Variants in PTPRT observed in about 807,000 individuals in gnomAD.
The protein encoded by PTPRT is protein tyrosine phosphatase receptor type T, also known as receptor-type tyrosine-protein phosphatase T.
A neutral mutation model predicts 176.8 loss-of-function variants in PTPRT; 56 were observed. That is an observed-to-expected ratio of 0.32 (90% CI 0.26 to 0.40). The LOEUF is 0.40. PTPRT is among the 10% of genes least tolerant of loss of function. The pLI is 1.00. For synonymous variants in PTPRT, 783 were observed against 739.0 expected (o/e 1.06, Z -0.96); for missense variants, 1,540 against 1,908.2 (o/e 0.81, Z 3.60).
chr20:42,603,269 T>A (rs1464713267), intron 7 of PTPRT, among the ~76,000 whole-genome samples: 1 of 152,010 alleles, frequency 6.6e-6, no homozygotes, highest in Non-Finnish European at 1.5e-5. Flanking sequence ...GGGAGAGAAC[T>A]GCTTTAGACT....
chr20:42,620,011 G>A (rs1244376072), intron 7 of PTPRT, among the ~76,000 whole-genome samples: 3 of 150,056 alleles, frequency 2.0e-5, no homozygotes, highest in Non-Finnish European at 3.0e-5. Flanking sequence ...GAGGAGGAGA[G>A]GCGCTCTGCG....
chr20:42,808,417 C>T (rs2077645280), intron 2 of PTPRT, among the ~76,000 whole-genome samples: 1 of 152,124 alleles, frequency 6.6e-6, no homozygotes, highest in Admixed American at 6.5e-5. Flanking sequence ...AGAGAAGGAA[C>T]GATCATTTCA....
intron 9 of PTPRT, among the ~76,000 whole-genome samples, chr20:42,424,870 C>T (rs562729294): frequency 6.7e-6 from 1 of 150,262 alleles, no homozygotes; most frequent in South Asian, 2.2e-4. Flanking sequence ...CAGTAAGAAT[C>T]CTGTTAAAGA....
intron 5 of PTPRT, among the ~76,000 whole-genome samples, chr20:42,764,653 C>T (rs900666658): frequency 2.0e-5 from 3 of 152,196 alleles, no homozygotes; most frequent in East Asian, 1.9e-4. Flanking sequence ...TGTGTAATTC[C>T]GAGGATGTCA....
chr20:42,996,085 G>A (rs1217326444), intron 1 of PTPRT, among the ~76,000 whole-genome samples: 1 of 152,174 alleles, frequency 6.6e-6, no homozygotes, highest in Non-Finnish European at 1.5e-5. Context: ...CTCTCTGCAT[G>A]TCATGGTAGA....
intron 1 of PTPRT, among the ~76,000 whole-genome samples, chr20:43,066,009 T>C (rs561499251): frequency 7.2e-5 from 11 of 152,328 alleles, no homozygotes; most frequent in African/African-American, 2.2e-4. Flanking sequence ...TATACCCCTA[T>C]ATCTGCAAAA....
Position 42,661,648 on chromosome 20 carries a change from G to A in PTPRT, c.1153+16218C>T, listed in dbSNP as rs545166606. 6.6e-5 allele frequency among the ~76,000 whole-genome samples: 10 copies of A among 152,216 alleles called. No individual in the cohort carries two copies. In the South Asian group the frequency reaches 1.2e-3, roughly 19 times the overall value. On this transcript the variant is annotated intron_variant, in intron 7 of 30. Coordinates refer to ENST00000373187, the MANE Select transcript of PTPRT (RefSeq NM_007050.6). ...CCCATCAAGGAAAATCTACATGGCC[G>A]TGGTGGATGGACAACCACTCTCTGG... is the stretch of plus-strand genomic sequence containing the variant.
chr20:42,268,327 GA>G (rs1360497684), intron 13 of PTPRT, among the ~76,000 whole-genome samples: 1 of 152,156 alleles, frequency 6.6e-6, no homozygotes, highest in African/African-American at 2.4e-5. Context: ...CAAGAGGTAA[GA>G]ACAAAAGCAC....
intron 7 of PTPRT, among the ~76,000 whole-genome samples, chr20:42,591,020 T>C (rs143738140): frequency 0.011 from 1,676 of 150,462 alleles, 39 homozygotes; most frequent in African/African-American, 0.04. Flanking sequence ...TGCATTGTAC[T>C]GCATGCTATA....
intron 14 of PTPRT, among the ~76,000 whole-genome samples, chr20:42,245,494 C>A (rs2056432636): frequency 6.6e-6 from 1 of 152,204 alleles, no homozygotes; most frequent in South Asian, 2.1e-4. Flanking sequence ...CGTTACAAAA[C>A]AAAACCAGGC....
At chr20:42,590,262 T>C (rs534310490) in intron 7 of PTPRT, among the ~76,000 whole-genome samples, 15 of 152,264 alleles carry the variant, frequency 9.9e-5, no homozygotes, top group African/African-American at 3.4e-4. Context: ...CTCTAGCCAC[T>C]GTCTTATGCA....
At chr20:42,615,452 A>C (rs1569020186) in intron 7 of PTPRT, among the ~76,000 whole-genome samples, 1 of 138,858 alleles carries the variant, frequency 7.2e-6, no homozygotes. Flanking sequence ...GTATATACCC[A>C]GTAATGGGAT....
At chr20:42,851,999 C>A (rs879863398) in intron 2 of PTPRT, among the ~76,000 whole-genome samples, 1 of 152,216 alleles carries the variant, frequency 6.6e-6, no homozygotes, top group Non-Finnish European at 1.5e-5. Flanking sequence ...AAATCATTTT[C>A]ATTATCTTAT....
At chr20:42,651,118 TA>T (rs1175333307) in intron 7 of PTPRT, among the ~76,000 whole-genome samples, 1 of 152,100 alleles carries the variant, frequency 6.6e-6, no homozygotes, top group Non-Finnish European at 1.5e-5. Context: ...AAGGGTTCTA[TA>T]AACAAAAAGC....
At chr20:42,425,285 GA>G (rs1266010464) in intron 9 of PTPRT, among the ~76,000 whole-genome samples, 2 of 152,190 alleles carry the variant, frequency 1.3e-5, no homozygotes, top group African/African-American at 2.4e-5. Flanking sequence ...AATGTTACAT[GA>G]GGGGGGTGCA....
intron 1 of PTPRT, among the ~76,000 whole-genome samples, chr20:42,957,811 A>T (rs1981730106): frequency 6.6e-6 from 1 of 152,164 alleles, no homozygotes. Flanking sequence ...ATTAGAGCCT[A>T]AAACCTCCCA....
intron 5 of PTPRT, among the ~76,000 whole-genome samples, chr20:42,768,225 C>T (rs529325466): frequency 6.6e-6 from 1 of 152,308 alleles, no homozygotes; most frequent in African/African-American, 2.4e-5. Context: ...AATCTATTCA[C>T]TTACCAGATA....
chr20:42,157,112 G>T (rs1288596674), intron 17 of PTPRT, among the ~76,000 whole-genome samples: 1 of 152,040 alleles, frequency 6.6e-6, no homozygotes, highest in Non-Finnish European at 1.5e-5. Flanking sequence ...CTTTGCAACT[G>T]CTTGTACATG....
At chr20:43,024,138 C>T (rs1365487309) in intron 1 of PTPRT, among the ~76,000 whole-genome samples, 3 of 152,160 alleles carry the variant, frequency 2.0e-5, no homozygotes, top group Non-Finnish European at 4.4e-5. Context: ...CACAGACTGG[C>T]TCTGAGAATA....
Sources: allele counts gnomAD v4.1 joint callset (sites outside exome capture counted in the v4.1 genomes callset), GRCh38; gene constraint gnomAD v4.1.1; transcripts MANE v1.5; gene names NCBI Gene and HGNC (gene_info 2026-07-23, HGNC 2026-07-21).